Variants in PPP3CC observed in about 807,000 individuals in gnomAD.
PPP3CC encodes the protein serine/threonine-protein phosphatase 2B catalytic subunit gamma isoform.
A neutral mutation model predicts 60.3 loss-of-function variants in PPP3CC; 35 were observed. The observed-to-expected ratio is 0.58, with a 90% CI of 0.44 to 0.77. The LOEUF is 0.77. Ranked by LOEUF, PPP3CC falls within the 30% of genes least tolerant of loss-of-function variation. PPP3CC has a pLI of 0.00. For missense variants in PPP3CC, 570 were observed against 628.9 expected, an observed-to-expected ratio of 0.91 and a Z score of 1.00; for synonymous variants, 206 against 224.3, an observed-to-expected ratio of 0.92 and a Z score of 0.73.
chr8:22,502,251 A>C (rs1838782735), intron 4 of PPP3CC, among the ~76,000 whole-genome samples: 1 of 152,238 alleles, frequency 6.6e-6, no homozygotes, highest in Non-Finnish European at 1.5e-5. Context: ...AGATAGTAAA[A>C]TATGGATGCT....
chr8:22,495,280 T>A (rs763270975), intron 3 of PPP3CC, among the ~76,000 whole-genome samples: 3 of 152,156 alleles, frequency 2.0e-5, no homozygotes, highest in Non-Finnish European at 2.9e-5. Flanking sequence ...AAAATATATC[T>A]TGGAAATCAC....
intron 10 of PPP3CC, among the ~76,000 whole-genome samples, chr8:22,531,914 A>G (rs374760713): frequency 6.6e-6 from 1 of 152,188 alleles, no homozygotes; most frequent in Non-Finnish European, 1.5e-5. Context: ...TTGTTTATGT[A>G]TGTGTGTGTT....
intron 1 of PPP3CC, among the ~76,000 whole-genome samples, chr8:22,459,891 G>A (rs1181290239): frequency 6.6e-6 from 1 of 152,072 alleles, no homozygotes; most frequent in African/African-American, 2.4e-5. Context: ...AACCATAAAC[G>A]CTGACAATTG....
Position 22,505,703 on chromosome 8 carries a change from G to A in PPP3CC, c.485-5383G>A, listed in dbSNP as rs1056198893. Among the ~76,000 whole-genome samples, 72 of 152,226 alleles carry A rather than the reference G, an allele frequency of 4.7e-4. 1 individual carries two copies. Among genetic ancestry groups the A allele is most frequent in the African/African-American group, 1.5e-3 (63 of 41,538 alleles). On this transcript the variant is annotated intron_variant, in intron 4 of 13. Coordinates refer to ENST00000240139, the MANE Select transcript of PPP3CC (RefSeq NM_005605.5). ...ATAAGTTCTACATGACATAGGAGCC[G>A]CTATAAGGAAATGAAGATCCAGAGA...
chr8:22,458,423 C>G (rs184788886), intron 1 of PPP3CC, among the ~76,000 whole-genome samples: 1 of 151,906 alleles, frequency 6.6e-6, no homozygotes, highest in African/African-American at 2.4e-5. Context: ...CATGGTGAAA[C>G]CTTGTCTCTA....
chr8:22,494,575 C>T (rs980896506), intron 3 of PPP3CC, among the ~76,000 whole-genome samples: 20 of 152,234 alleles, frequency 1.3e-4, no homozygotes, highest in African/African-American at 4.8e-4. Context: ...TTCATGCGTT[C>T]TGTATTTGTG....
In PPP3CC at chr8:22,441,118, C is replaced by T. The variant is rs527371978; in HGVS notation, c.-292C>T. The T allele has an allele frequency of 5.4e-5, 16 of 297,760 alleles. No homozygotes were observed. Among genetic ancestry groups the T allele is most frequent in the Non-Finnish European group, 9.9e-5 (16 of 161,860 alleles). 18.4% of individuals were successfully genotyped at this position (297,760 alleles called of 1,614,324 possible). ...CGGGCCGCGAGCAGCCGCGGCCGTC[C>T]CGGTCGCCACCCTTAGCAGCGGTCG... On this transcript the variant is annotated 5_prime_UTR_variant, in exon 1 of 14. Coordinates refer to ENST00000240139, the MANE Select transcript of PPP3CC (RefSeq NM_005605.5).
At chr8:22,527,078 A>C (rs1839578344) in intron 8 of PPP3CC, among the ~76,000 whole-genome samples, 1 of 152,194 alleles carries the variant, frequency 6.6e-6, no homozygotes, top group Non-Finnish European at 1.5e-5. Flanking sequence ...AAAGGAAATT[A>C]TGGGGAAATT....
chr8:22,507,281 A>G (rs1838953534), intron 4 of PPP3CC, among the ~76,000 whole-genome samples: 1 of 152,220 alleles, frequency 6.6e-6, no homozygotes, highest in Non-Finnish European at 1.5e-5. Flanking sequence ...TATTATTGAT[A>G]CTAGTTAGAA....
rs1473088021 is a variant in PPP3CC at position 22,472,008 on chromosome 8, T to G, written c.50-2946T>G. Among the ~76,000 whole-genome samples, 4 of 151,926 alleles carry G rather than the reference T, an allele frequency of 2.6e-5. No homozygotes were observed. In the South Asian group the frequency reaches 6.2e-4, roughly 24 times the overall value. ...CAGGCATGGTGGCGCACACCTGTAGTCCCAGCTGAGGACTGGGAGGCTGAG... is the reference window on the plus strand; with the variant it reads ...CAGGCATGGTGGCGCACACCTGTAGGCCCAGCTGAGGACTGGGAGGCTGAG... On this transcript the variant is annotated intron_variant, in intron 1 of 13. Transcript: ENST00000240139.
intron 3 of PPP3CC, among the ~76,000 whole-genome samples, chr8:22,488,175 T>G (rs978943808): frequency 6.6e-6 from 1 of 152,156 alleles, no homozygotes; most frequent in African/African-American, 2.4e-5. Context: ...AAGGTAGGTA[T>G]AGAAAAGAGA....
At chr8:22,461,104 A>G (rs1837349968) in intron 1 of PPP3CC, among the ~76,000 whole-genome samples, 1 of 152,166 alleles carries the variant, frequency 6.6e-6, no homozygotes, top group Admixed American at 6.5e-5. Context: ...TTGGCCTCCC[A>G]AAGTGCTAGG....
At chr8:22,510,587 C>T (rs916790854) in intron 4 of PPP3CC, among the ~76,000 whole-genome samples, 2 of 152,192 alleles carry the variant, frequency 1.3e-5, no homozygotes, top group Non-Finnish European at 2.9e-5. Flanking sequence ...GTGGTCCTCA[C>T]AGGAGTGCAT....
intron 3 of PPP3CC, among the ~76,000 whole-genome samples, chr8:22,494,325 A>G (rs947309518): frequency 6.6e-6 from 1 of 152,196 alleles, no homozygotes; most frequent in Non-Finnish European, 1.5e-5. Flanking sequence ...GAAACCCCTG[A>G]TAAACCCATC....
rs200358456 is a variant in PPP3CC at position 22,475,124 on chromosome 8, A to G, written c.220A>G (p.Met74Val). The G allele has an allele frequency of 4.3e-6, 7 of 1,612,574 alleles. No homozygotes were observed. Among genetic ancestry groups the G allele is most frequent in the South Asian group, 1.1e-5 (1 of 90,866 alleles). The change falls in exon 2 of 14, where the codon ATG (methionine) becomes GTG (valine). Residue 74 changes from methionine (M) to valine (V), a missense_variant. Coordinates refer to ENST00000240139, the MANE Select transcript of PPP3CC (RefSeq NM_005605.5). ...GAAILRQEKT[M>V]IEVDAPITVC... ...TGCCATCCTGAGGCAAGAGAAGACT[A>G]TGATAGAAGTAGATGCTCCAATCAC... is the stretch of plus-strand genomic sequence containing the variant.
intron 4 of PPP3CC, among the ~76,000 whole-genome samples, chr8:22,509,624 TC>T (rs1158927688): frequency 6.6e-6 from 1 of 152,204 alleles, no homozygotes; most frequent in Non-Finnish European, 1.5e-5. Context: ...GACTCCTCCT[TC>T]CACCCACTGA....
intron 6 of PPP3CC, among the ~76,000 whole-genome samples, 200 bp downstream of exon 6, chr8:22,513,632 C>A (rs947570826): frequency 6.6e-6 from 1 of 152,062 alleles, no homozygotes. Context: ...GTGTAATACA[C>A]CAAACATGAT....
At chr8:22,458,627 ATAAAT>A (rs1243902512) in intron 1 of PPP3CC, among the ~76,000 whole-genome samples, 4 of 151,634 alleles carry the variant, frequency 2.6e-5, no homozygotes, top group East Asian at 3.9e-4. Context: ...ATAAAAATAA[ATAAAT>A]AAAATAAAGT....
intron 1 of PPP3CC, among the ~76,000 whole-genome samples, chr8:22,474,646 G>C (rs1038495709): frequency 2.0e-5 from 3 of 152,214 alleles, no homozygotes; most frequent in African/African-American, 7.2e-5. Flanking sequence ...GGAGGTTGCA[G>C]TGAGCTGAGA....
Sources: allele counts gnomAD v4.1 joint callset (sites outside exome capture counted in the v4.1 genomes callset), GRCh38; gene constraint gnomAD v4.1.1; transcripts MANE v1.5; gene names NCBI Gene and HGNC (gene_info 2026-07-23, HGNC 2026-07-21).